SOX5: variants seen among roughly 807,000 people sequenced by gnomAD.
SOX5 encodes the protein SRY-box transcription factor 5.
In SOX5, 9 loss-of-function variants were observed where a neutral mutation model predicts 92.0. The ratio of observed to expected loss-of-function variants is 0.10; its 90% CI spans 0.06 to 0.17. The LOEUF is 0.17. Among genes scored for constraint, SOX5 ranks in the 10% least tolerant of loss-of-function variants. The pLI is 1.00. For synonymous variants in SOX5, 344 were observed against 336.3 expected (o/e 1.02, Z -0.25); for missense variants, 642 against 944.5 (o/e 0.68, Z 4.20).
At chr12:23,967,560 A>G (rs1033378534) in intron 4 of SOX5, among the ~76,000 whole-genome samples, 1 of 152,120 alleles carries the variant, frequency 6.6e-6, no homozygotes, top group Non-Finnish European at 1.5e-5. Flanking sequence ...TTTCTGACTA[A>G]AAACAATAAT....
At chr12:23,821,371 CAG>C (rs1323473432) in intron 3 of SOX5, among the ~76,000 whole-genome samples, 7 of 152,176 alleles carry the variant, frequency 4.6e-5, no homozygotes, top group Non-Finnish European at 1.0e-4. Context: ...AATCTGCAAA[CAG>C]AGATAATTTG....
At chr12:24,379,154 G>C (rs891190236) in intron 1 of SOX5, among the ~76,000 whole-genome samples, 3 of 152,144 alleles carry the variant, frequency 2.0e-5, no homozygotes, top group African/African-American at 7.2e-5. Flanking sequence ...GAAATTAGCT[G>C]AAAGTATTCA....
intron 4 of SOX5, among the ~76,000 whole-genome samples, chr12:24,078,599 A>G (rs1942940415): frequency 6.6e-6 from 1 of 152,064 alleles, no homozygotes; most frequent in African/African-American, 2.4e-5. Context: ...ATCATCAGTG[A>G]GATAAATGGA....
chr12:23,657,111 T>G (rs1163746501), intron 7 of SOX5, among the ~76,000 whole-genome samples: 1 of 121,538 alleles, frequency 8.2e-6, no homozygotes, highest in Non-Finnish European at 1.7e-5. Flanking sequence ...CTCGCCTGAC[T>G]TTTCTCTTTT....
intron 2 of SOX5, among the ~76,000 whole-genome samples, chr12:24,360,298 A>T (rs1955397835): frequency 6.6e-6 from 1 of 152,218 alleles, no homozygotes; most frequent in African/African-American, 2.4e-5. Context: ...ACCAAATTTC[A>T]AAATGTTATG....
At chr12:23,715,201 AG>A (rs2092398280) in intron 6 of SOX5, among the ~76,000 whole-genome samples, 2 of 151,950 alleles carry the variant, frequency 1.3e-5, no homozygotes, top group African/African-American at 4.8e-5. Context: ...AGGGAGGCTG[AG>A]GTAGGAGAAT....
At chr12:24,320,604 G>A (rs570132227) in intron 2 of SOX5, among the ~76,000 whole-genome samples, 11 of 152,178 alleles carry the variant, frequency 7.2e-5, no homozygotes, top group African/African-American at 2.2e-4. Context: ...GGTGGCTCAC[G>A]CCTGTAATAC....
intron 4 of SOX5, among the ~76,000 whole-genome samples, chr12:24,137,226 C>T (rs12370480): frequency 0.21 from 32,272 of 151,990 alleles, 3,687 homozygotes; most frequent in African/African-American, 0.29. Flanking sequence ...TCTAATAAAG[C>T]AAAATAATGA....
At chr12:24,346,803 T>G (rs905566277) in intron 2 of SOX5, among the ~76,000 whole-genome samples, 3 of 151,762 alleles carry the variant, frequency 2.0e-5, no homozygotes, top group African/African-American at 7.3e-5. Context: ...CCGCATGTTC[T>G]CACTCATAGG....
intron 6 of SOX5, among the ~76,000 whole-genome samples, chr12:23,679,390 G>T (rs900195137): frequency 6.6e-6 from 1 of 152,098 alleles, no homozygotes; most frequent in African/African-American, 2.4e-5. Context: ...CACTGACGCT[G>T]CTGCTGCTGC....
At chr12:24,378,524 A>G (rs1028416474) in intron 1 of SOX5, among the ~76,000 whole-genome samples, 3 of 152,316 alleles carry the variant, frequency 2.0e-5, no homozygotes, top group East Asian at 3.9e-4. Context: ...TAACTCATAA[A>G]GGAGGAGCAC....
intron 2 of SOX5, among the ~76,000 whole-genome samples, chr12:24,332,609 T>C (rs1201507611): frequency 6.6e-6 from 1 of 152,094 alleles, no homozygotes; most frequent in Non-Finnish European, 1.5e-5. Flanking sequence ...GGCTTATTTA[T>C]GAAGACAATC....
intron 4 of SOX5, among the ~76,000 whole-genome samples, chr12:24,017,483 C>T (rs925907039): frequency 3.3e-5 from 5 of 151,980 alleles, no homozygotes; most frequent in African/African-American, 1.2e-4. Flanking sequence ...GCCTGTAATC[C>T]CAGCTACTTG....
chr12:24,018,063 G>C (rs1369672030), intron 4 of SOX5, among the ~76,000 whole-genome samples: 1 of 152,002 alleles, frequency 6.6e-6, no homozygotes, highest in East Asian at 1.9e-4. Context: ...ATATACACAT[G>C]CTCAAATCAC....
rs537868010 is a variant in SOX5 at position 24,013,060 on chromosome 12, G to A, written c.-1-117036C>T. ...GAACAAAAAAAGTTTCTGCACATACGAAATCATCTTCACATTTTATTTCCC... is the reference window on the plus strand; with the variant it reads ...GAACAAAAAAAGTTTCTGCACATACAAAATCATCTTCACATTTTATTTCCC... On this transcript the variant is annotated intron_variant, in intron 4 of 4. Transcript: ENST00000446891. Among the ~76,000 whole-genome samples, 11 of 152,160 alleles carry A rather than the reference G, an allele frequency of 7.2e-5. No homozygotes were observed. In the East Asian group the frequency reaches 1.4e-3, roughly 19 times the overall value.
At chr12:23,909,788 ATTGCTGTTTTCT>A in intron 1 of SOX5, among the ~76,000 whole-genome samples, 1 of 151,848 alleles carries the variant, frequency 6.6e-6, no homozygotes, top group Middle Eastern at 3.4e-3. Context: ...GTAATCATCC[ATTGCTGTTTTCT>A]TTTTTTTTTA....
chr12:24,015,603 A>T (rs2136598676), intron 4 of SOX5, among the ~76,000 whole-genome samples: 1 of 152,298 alleles, frequency 6.6e-6, no homozygotes, highest in African/African-American at 2.4e-5. Context: ...GCGCTAATAC[A>T]CTGTATATAC....
At chr12:23,784,926 A>T (rs527369508) in intron 3 of SOX5, among the ~76,000 whole-genome samples, 23 of 152,218 alleles carry the variant, frequency 1.5e-4, no homozygotes, top group Non-Finnish European at 2.1e-4. Context: ...GCCAAAATTA[A>T]AAGAAATCAG....
At position 24,067,982 on chromosome 12, in the gene SOX5, T is replaced by C. The variant is rs549221219; in HGVS notation, c.-2+145361A>G. Among the ~76,000 whole-genome samples the C allele has an allele frequency of 3.3e-5, 5 of 152,080 alleles. No homozygotes were observed. In the South Asian group the frequency reaches 1.0e-3, roughly 32 times the overall value. ...CAACACGGTGAAACCCCGTCTCTAC[T>C]AAAATACAAAAAATTAGCCAGGCGT... On this transcript the variant is annotated intron_variant, in intron 4 of 4. Transcript: ENST00000446891.
Sources: allele counts gnomAD v4.1 joint callset (sites outside exome capture counted in the v4.1 genomes callset), GRCh38; gene constraint gnomAD v4.1.1; transcripts MANE v1.5; gene names NCBI Gene and HGNC (gene_info 2026-07-23, HGNC 2026-07-21).